Variants in ANKS1B observed in about 807,000 individuals in gnomAD.
ANKS1B encodes ankyrin repeat and sterile alpha motif domain containing 1B, also known as ankyrin repeat and sterile alpha motif domain-containing protein 1B.
A neutral mutation model predicts 148.3 loss-of-function variants in ANKS1B; 36 were observed. The ratio of observed to expected loss-of-function variants is 0.24; its 90% CI spans 0.19 to 0.32. The LOEUF is 0.32. Among genes scored for constraint, ANKS1B ranks in the 10% least tolerant of loss-of-function variants. The pLI, the probability that ANKS1B is intolerant of heterozygous loss-of-function variation, is 1.00. For synonymous variants in ANKS1B, 542 were observed against 560.8 expected, an observed-to-expected ratio of 0.97 and a Z score of 0.47; for missense variants, 1,157 against 1,542.6, an observed-to-expected ratio of 0.75 and a Z score of 4.19.
At chr12:99,139,514 G>T (rs1415829560) in intron 15 of ANKS1B, among the ~76,000 whole-genome samples, 1 of 132,492 alleles carries the variant, frequency 7.5e-6, no homozygotes, top group Non-Finnish European at 1.5e-5. Context: ...CTGGTCTCAG[G>T]CAATGCTCCT....
chr12:99,696,843 T>C (rs1285440917), intron 8 of ANKS1B, among the ~76,000 whole-genome samples: 1 of 152,194 alleles, frequency 6.6e-6, no homozygotes, highest in African/African-American at 2.4e-5. Context: ...GATAAAGGAC[T>C]GGTATTCAAA....
chr12:99,540,842 T>G (rs1181743185), intron 9 of ANKS1B, among the ~76,000 whole-genome samples: 1 of 150,994 alleles, frequency 6.6e-6, no homozygotes, highest in African/African-American at 2.4e-5. Flanking sequence ...TTCAAAGAAA[T>G]GTAAGTTGGT....
chr12:99,577,815 C>A (rs1440029800), intron 9 of ANKS1B, among the ~76,000 whole-genome samples: 1 of 151,966 alleles, frequency 6.6e-6, no homozygotes, highest in Non-Finnish European at 1.5e-5. Context: ...AGCTGGAAAC[C>A]ATTACTATTA....
intron 8 of ANKS1B, among the ~76,000 whole-genome samples, chr12:99,764,164 T>C (rs1011799688): frequency 6.6e-6 from 1 of 152,192 alleles, no homozygotes; most frequent in Non-Finnish European, 1.5e-5. Context: ...GCTAAGCATG[T>C]GAGTGAGGAA....
At chr12:99,621,377 A>C (rs2098046777) in intron 9 of ANKS1B, among the ~76,000 whole-genome samples, 1 of 151,960 alleles carries the variant, frequency 6.6e-6, no homozygotes, top group African/African-American at 2.4e-5. Context: ...TTTCACAATA[A>C]GATCCAAACC....
At chr12:99,631,465 C>T (rs763704523) in intron 9 of ANKS1B, among the ~76,000 whole-genome samples, 5 of 152,086 alleles carry the variant, frequency 3.3e-5, no homozygotes, top group South Asian at 2.1e-4. Context: ...GACAAGACAA[C>T]TAGGGAAAGT....
intron 16 of ANKS1B, among the ~76,000 whole-genome samples, chr12:99,070,121 T>C (rs1036250493): frequency 6.6e-6 from 1 of 152,216 alleles, no homozygotes; most frequent in Non-Finnish European, 1.5e-5. Flanking sequence ...GCTATTAACA[T>C]AGGGGTTTGG....
chr12:99,085,009 C>T lies in ANKS1B; in HGVS notation c.2541G>A (p.Met847Ile). 2.5e-6 allele frequency: 4 copies of T among 1,607,458 alleles called. No individual in the cohort carries two copies. In the South Asian group the frequency reaches 3.4e-5, roughly 13 times the overall value. ...CAATTTCCAACAAATCCTGATCTTC[C>T]ATAACATTGCTTCCCTGAAACAAAA... ...DNVQFMGSNV[M>I]EDQDLLEIGI... is the part of the protein sequence containing the mutation. Residue 847 changes from methionine (M) to isoleucine (I), a missense_variant, in exon 16 of 27, where the codon ATG becomes ATA. This residue lies in a region of ANKS1B where 258 missense variants were observed against 497.0 expected (regional missense o/e 0.52). Coordinates refer to ENST00000683438, the MANE Select transcript of ANKS1B (RefSeq NM_001352186.2).
At chr12:99,880,984 A>G (rs1376683323) in intron 1 of ANKS1B, among the ~76,000 whole-genome samples, 2 of 152,216 alleles carry the variant, frequency 1.3e-5, no homozygotes, top group Middle Eastern at 3.2e-3. Flanking sequence ...TAAAACCTGG[A>G]CAGAATGCAC....
intron 12 of ANKS1B, among the ~76,000 whole-genome samples, chr12:99,302,207 G>A (rs1415483669): frequency 1.3e-5 from 2 of 152,094 alleles, no homozygotes; most frequent in Non-Finnish European, 2.9e-5. Flanking sequence ...AATAAATGAT[G>A]TGCAATTATG....
chr12:99,106,151 A>AT lies in ANKS1B; in HGVS notation c.2527-21129dup, dbSNP rs1006587996. Among the ~76,000 whole-genome samples, 5 of 152,162 alleles carry AT rather than the reference A, an allele frequency of 3.3e-5. No individual in the cohort carries two copies. The East Asian group carries it at 7.7e-4, about 23-fold the overall frequency. ...TGCTCATTGGTACTATCTGAGGACG[A>AT]TTTTTCCAAGAGGCACAAGGAGATC... On this transcript the variant is annotated intron_variant, in intron 15 of 26. Transcript: ENST00000683438.
chr12:99,357,759 G>C (rs1273682360), intron 12 of ANKS1B, among the ~76,000 whole-genome samples: 2 of 152,120 alleles, frequency 1.3e-5, no homozygotes, highest in East Asian at 3.9e-4. Flanking sequence ...CACATTACTA[G>C]TTGAAAGAGT....
intron 15 of ANKS1B, among the ~76,000 whole-genome samples, chr12:99,148,144 G>A (rs1329112168): frequency 6.6e-6 from 1 of 152,046 alleles, no homozygotes; most frequent in Non-Finnish European, 1.5e-5. Context: ...CTGTAATTCA[G>A]CAGCTTTGGT....
At chr12:99,311,810 G>T (rs1213381721) in intron 12 of ANKS1B, among the ~76,000 whole-genome samples, 1 of 151,856 alleles carries the variant, frequency 6.6e-6, no homozygotes, top group Admixed American at 6.6e-5. Context: ...GAGGAATGTG[G>T]TGCTTTTTAT....
chr12:99,886,193 C>T (rs1436899529), intron 1 of ANKS1B, among the ~76,000 whole-genome samples: 13 of 152,200 alleles, frequency 8.5e-5, no homozygotes, highest in Admixed American at 8.5e-4. Context: ...TAAATAATGG[C>T]CATTCTGGCT....
chr12:99,372,224 T>C (rs570034122), intron 12 of ANKS1B, among the ~76,000 whole-genome samples: 2 of 151,924 alleles, frequency 1.3e-5, no homozygotes, highest in Non-Finnish European at 2.9e-5. Context: ...TGTGCACTTG[T>C]GGGGAGTAGG....
chr12:99,753,945 C>T (rs1251395891), intron 8 of ANKS1B, among the ~76,000 whole-genome samples: 2 of 151,952 alleles, frequency 1.3e-5, no homozygotes, highest in African/African-American at 4.8e-5. Flanking sequence ...ATTGATTGAA[C>T]CCAGGAGGCA....
chr12:98,941,346 A>G (rs2099836284), intron 17 of ANKS1B, among the ~76,000 whole-genome samples: 1 of 152,192 alleles, frequency 6.6e-6, no homozygotes, highest in Admixed American at 6.6e-5. Flanking sequence ...TTAAACCACA[A>G]GACCACTAAC....
intron 4 of ANKS1B, among the ~76,000 whole-genome samples, chr12:99,789,368 AG>A (rs2065362101): frequency 6.6e-6 from 1 of 152,224 alleles, no homozygotes; most frequent in East Asian, 1.9e-4. Flanking sequence ...AAACAGGTCC[AG>A]ACTGTGAAGA....
Sources: gnomAD v4.1 joint callset for allele counts (sites outside exome capture counted in the v4.1 genomes callset) on GRCh38, gnomAD v4.1.1 for gene constraint, gnomAD v4.1.1 regional missense constraint, MANE v1.5 for transcripts, NCBI Gene and HGNC (gene_info 2026-07-23, HGNC 2026-07-21) for gene names.